Variants in EEA1 observed in about 807,000 individuals in gnomAD.
The protein encoded by EEA1 is early endosome antigen 1, also known as early endosome antigen 1, 162kD.
A neutral mutation model predicts 209.2 loss-of-function variants in EEA1; 111 were observed. That is an observed-to-expected ratio of 0.53 (90% CI 0.45 to 0.62). EEA1 has a LOEUF of 0.62. Among genes scored for constraint, EEA1 ranks in the 20% least tolerant of loss-of-function variants. The pLI, the probability that EEA1 is intolerant of heterozygous loss-of-function variation, is 0.00. For missense variants in EEA1, 1,343 were observed against 1,530.8 expected, an observed-to-expected ratio of 0.88 and a Z score of 2.05; for synonymous variants, 536 against 540.6, an observed-to-expected ratio of 0.99 and a Z score of 0.12.
At chr12:92,882,737 C>A (rs1273169142) in intron 2 of EEA1, among the ~76,000 whole-genome samples, 1 of 152,112 alleles carries the variant, frequency 6.6e-6, no homozygotes, top group Non-Finnish European at 1.5e-5. Context: ...AGTATTCCTA[C>A]AAAGAATATG....
Position 92,802,581 on chromosome 12 carries a change from A to G in EEA1, c.2493T>C (p.Asn831=), listed in dbSNP as rs747753410. ...QETKIQHEEL[N]NRIQTTVTEL... ...CTGTTACTGTTGTTTGAATTCTGTT[A>G]TTCAATTCCTCATGCTGAATCTTTG... The change falls in exon 19 of 29, where the codon AAT becomes AAC. Residue 831 remains asparagine (N), a synonymous_variant. Transcript: ENST00000322349. The G allele has an allele frequency of 6.2e-7, 1 of 1,601,288 alleles. No homozygotes were observed. The highest frequency in any genetic ancestry group is 1.1e-5 in the South Asian group (1 of 87,944).
intron 1 of EEA1, among the ~76,000 whole-genome samples, chr12:92,915,650 C>T (rs1245545883): frequency 2.6e-5 from 4 of 152,156 alleles, no homozygotes; most frequent in Admixed American, 2.6e-4. Context: ...GGGATCTCAA[C>T]TGATATTTTC....
At chr12:92,791,466 G>A (rs538352578) in intron 21 of EEA1, among the ~76,000 whole-genome samples, 36 of 152,152 alleles carry the variant, frequency 2.4e-4, no homozygotes, top group African/African-American at 8.4e-4. Context: ...AACACCAGGG[G>A]TTGCAATCCT....
rs150164210 is a variant in EEA1 at position 92,813,664 on chromosome 12, A to T, written c.1930-571T>A. 7.9e-5 allele frequency among the ~76,000 whole-genome samples: 12 copies of T among 152,362 alleles called. No individual in the cohort carries two copies. In the East Asian group the frequency reaches 2.1e-3, roughly 27 times the overall value. ...AAGCAAAAAGATCTATCTTGTTATCAAAAGTAACACCTTTAAGTGTTGGAA... is the reference window on the plus strand; with the variant it reads ...AAGCAAAAAGATCTATCTTGTTATCTAAAGTAACACCTTTAAGTGTTGGAA... On this transcript the variant is annotated intron_variant, in intron 15 of 28. Coordinates refer to ENST00000322349, the MANE Select transcript of EEA1 (RefSeq NM_003566.4).
At chr12:92,855,628 T>C (rs1877849763) in intron 5 of EEA1, among the ~76,000 whole-genome samples, 1 of 152,152 alleles carries the variant, frequency 6.6e-6, no homozygotes, top group Non-Finnish European at 1.5e-5. Flanking sequence ...TAAAGAATTA[T>C]ACCCATCTGA....
chr12:92,783,966 G>T lies in EEA1; in HGVS notation c.3151-1831C>A, dbSNP rs144703435. ...AATAAATAAAGATCTTATTTATGAGGATTCTTAAGCTTCCTGAAAGTTTAC... is the reference window on the plus strand; with the variant it reads ...AATAAATAAAGATCTTATTTATGAGTATTCTTAAGCTTCCTGAAAGTTTAC... On this transcript the variant is annotated intron_variant, in intron 22 of 28. Transcript: ENST00000322349. Among the ~76,000 whole-genome samples, 77 of 152,018 alleles carry T rather than the reference G, an allele frequency of 5.1e-4. 1 individual carries two copies. In the East Asian group the frequency reaches 0.013, roughly 26 times the overall value.
chr12:92,871,602 G>A (rs1240158771), intron 2 of EEA1, among the ~76,000 whole-genome samples: 4 of 152,112 alleles, frequency 2.6e-5, no homozygotes, highest in Non-Finnish European at 5.9e-5. Context: ...AATGCAAATA[G>A]AAATAACAAG....
At chr12:92,841,052 C>T (rs966558489) in intron 10 of EEA1, among the ~76,000 whole-genome samples, 6 of 152,140 alleles carry the variant, frequency 3.9e-5, no homozygotes, top group Admixed American at 3.3e-4. Context: ...ACCAAATCTG[C>T]TAGTGCCTTG....
chr12:92,899,764 CG>C (rs1412367353), intron 1 of EEA1, among the ~76,000 whole-genome samples: 2 of 152,182 alleles, frequency 1.3e-5, no homozygotes, highest in Non-Finnish European at 2.9e-5. Flanking sequence ...TCCTCTTGCT[CG>C]TTCTCATTTT....
At chr12:92,902,757 A>AT (rs1880206527) in intron 1 of EEA1, among the ~76,000 whole-genome samples, 1 of 150,822 alleles carries the variant, frequency 6.6e-6, no homozygotes, top group Non-Finnish European at 1.5e-5. Flanking sequence ...AAAAAAAAAA[A>AT]AGGCTGTAAA....
Position 92,777,570 on chromosome 12 carries a change from C to T in EEA1, c.3987G>A (p.Glu1329=). 6.2e-7 allele frequency: 1 copy of T among 1,612,136 alleles called. No homozygotes were observed. Among genetic ancestry groups the T allele is most frequent in the South Asian group, 1.1e-5 (1 of 90,948 alleles). Residue 1329 remains glutamate (E), a synonymous_variant, in exon 27 of 29, where the codon GAG becomes GAA. Transcript: ENST00000322349. ...GAAGTGATTGGTTTTCTCTGCCCAG[C>T]TCCTGCACTGCTGCAGTTGTATTAT... is the stretch of plus-strand genomic sequence containing the variant. ...KLDNTTAAVQ[E]LGRENQSLQI...
chr12:92,926,789 T>G (rs182734711), intron 1 of EEA1, among the ~76,000 whole-genome samples: 1 of 152,268 alleles, frequency 6.6e-6, no homozygotes, highest in East Asian at 1.9e-4. Context: ...TGACATGCCC[T>G]TCCCTCTTCT....
chr12:92,864,819 C>T (rs1443544316), intron 3 of EEA1, 41 bp downstream of exon 3: 9 of 1,475,352 alleles, frequency 6.1e-6, no homozygotes, highest in African/African-American at 1.4e-5. Flanking sequence ...ATACCACATG[C>T]ATATTCCATA....
In EEA1 at chr12:92,775,204, G is replaced by A. The variant is rs997753245; in HGVS notation, c.*807C>T. On this transcript the variant is annotated 3_prime_UTR_variant, in exon 29 of 29. Coordinates refer to ENST00000322349, the MANE Select transcript of EEA1 (RefSeq NM_003566.4). ...TATTATTCATCCTCCAACTGACAGC[G>A]AGGGTAAGAAGCTTTCTAAGATTCT... The A allele has an allele frequency of 1.3e-5, 2 of 151,646 alleles. No homozygotes were observed. Among genetic ancestry groups the A allele is most frequent in the East Asian group, 1.9e-4 (1 of 5,192 alleles). 9.4% of individuals were successfully genotyped at this position (151,646 alleles called of 1,614,324 possible).
At chr12:92,877,732 C>T (rs1052364755) in intron 2 of EEA1, among the ~76,000 whole-genome samples, 2 of 151,922 alleles carry the variant, frequency 1.3e-5, no homozygotes, top group East Asian at 1.9e-4. Context: ...AGGCTGGTCT[C>T]GAACTCCTGA....
chr12:92,889,333 G>C (rs539786930), intron 2 of EEA1, among the ~76,000 whole-genome samples: 17 of 151,668 alleles, frequency 1.1e-4, no homozygotes, highest in Non-Finnish European at 2.2e-4. Flanking sequence ...AGAAGTGTGT[G>C]GTATTACAGA....
chr12:92,777,781 ATCTGATTGTT>A, intron 26 of EEA1, 118 bp from the exon 27 acceptor site: 10 of 1,277,754 alleles, frequency 7.8e-6, no homozygotes, highest in Non-Finnish European at 1.1e-5. Flanking sequence ...AATTTTGACT[ATCTGATTGTT>A]TTACAGGTTA....
chr12:92,848,999 G>A (rs961525737), intron 9 of EEA1, among the ~76,000 whole-genome samples: 2 of 152,072 alleles, frequency 1.3e-5, no homozygotes, highest in African/African-American at 2.4e-5. Context: ...TGGGATTATA[G>A]AGGTGAGCCA....
intron 1 of EEA1, among the ~76,000 whole-genome samples, chr12:92,927,042 A>G (rs1195196953): frequency 6.6e-6 from 1 of 152,200 alleles, no homozygotes; most frequent in Non-Finnish European, 1.5e-5. Context: ...ACACTGAATA[A>G]AAGAAAATTA....
Sources: gnomAD v4.1 joint callset for allele counts (sites outside exome capture counted in the v4.1 genomes callset) on GRCh38, gnomAD v4.1.1 for gene constraint, MANE v1.5 for transcripts, NCBI Gene and HGNC (gene_info 2026-07-23, HGNC 2026-07-21) for gene names.